The following SMARCA5 variants were observed in gnomAD, a reference collection of about 807,000 sequenced individuals.
SMARCA5 encodes SNF2 related chromatin remodeling ATPase 5.
SMARCA5 carries 18 observed loss-of-function variants against 140.4 expected under a neutral mutation model. The observed-to-expected ratio is 0.13, with a 90% CI of 0.09 to 0.19. The LOEUF is 0.19. SMARCA5 is among the 10% of genes least tolerant of loss of function. The pLI is 1.00. For synonymous variants in SMARCA5, 449 were observed against 419.6 expected, an observed-to-expected ratio of 1.07 and a Z score of -0.86; for missense variants, 606 against 1,276.8, an observed-to-expected ratio of 0.47 and a Z score of 8.01.
At chr4:143,536,795 A>G in intron 11 of SMARCA5, 117 bp downstream of exon 11, 2 of 717,396 alleles carry the variant, frequency 2.8e-6, no homozygotes, top group African/African-American at 1.8e-5. Context: ...CGTGTAGAAC[A>G]TTAAAAAAAC....
intron 14 of SMARCA5, among the ~76,000 whole-genome samples, chr4:143,541,237 G>T (rs1469985909): frequency 2.6e-5 from 4 of 152,162 alleles, no homozygotes; most frequent in African/African-American, 9.7e-5. Flanking sequence ...AAGAAAAGGG[G>T]TGGGAAACTT....
In SMARCA5 at chr4:143,538,950, C is replaced by T. The variant is rs375979492; in HGVS notation, c.1770+12C>T. 5.5e-5 allele frequency: 89 copies of T among 1,610,686 alleles called. No individual in the cohort carries two copies. In the African/African-American group the frequency reaches 9.9e-4, roughly 18 times the overall value. On this transcript the variant is annotated intron_variant, in intron 13 of 23. Transcript: ENST00000283131. ...ATCTTCAGGCTATGGTAAGAGATAA[C>T]GAATAAATATATTCTGTGCTTAGTA...
At chr4:143,541,360 G>C (rs17017854) in intron 14 of SMARCA5, among the ~76,000 whole-genome samples, 33,998 of 152,052 alleles carry the variant, frequency 0.22, 4,213 homozygotes, top group East Asian at 0.6. Context: ...GATTATGTAG[G>C]TATCTTGATT....
rs1422221035 is a variant in SMARCA5, at chr4:143,556,483, CT to C, written c.*3300del. The C allele has an allele frequency of 6.6e-6, 1 of 151,898 alleles. No homozygotes were observed. Among genetic ancestry groups the C allele is most frequent in the African/African-American group, 2.4e-5 (1 of 41,326 alleles). The allele number at this position is 151,898 out of a possible 1,614,324, so 9.4% of individuals were successfully genotyped here. A position where few individuals can be genotyped will look rare whatever the true frequency, so the allele number is the denominator to read the frequency against. ...CCAGTAGTTTTGGAGTAGAACATTGCTAAAAAAATGGGTACTAAGGAGGGTA... is the reference window on the plus strand; with the variant it reads ...CCAGTAGTTTTGGAGTAGAACATTGCAAAAAAATGGGTACTAAGGAGGGTA... On this transcript the variant is annotated 3_prime_UTR_variant, in exon 24 of 24. Coordinates refer to ENST00000283131, the MANE Select transcript of SMARCA5 (RefSeq NM_003601.4).
intron 13 of SMARCA5, among the ~76,000 whole-genome samples, chr4:143,539,885 T>C (rs1737394834): frequency 6.6e-6 from 1 of 152,092 alleles, no homozygotes; most frequent in Non-Finnish European, 1.5e-5. Flanking sequence ...CAGGGGAAAA[T>C]GGACCAATTA....
chr4:143,552,025 T>C (rs904666896), intron 23 of SMARCA5, among the ~76,000 whole-genome samples: 1 of 152,150 alleles, frequency 6.6e-6, no homozygotes, highest in Non-Finnish European at 1.5e-5. Context: ...TTTAACAATA[T>C]TGAATTTGCT....
At chr4:143,520,075 CTT>C (rs1350972219) in intron 2 of SMARCA5, among the ~76,000 whole-genome samples, 2 of 152,078 alleles carry the variant, frequency 1.3e-5, no homozygotes, top group African/African-American at 2.4e-5. Flanking sequence ...ATCATACTCT[CTT>C]GTTTCTGCTT....
intron 11 of SMARCA5, among the ~76,000 whole-genome samples, 156 bp downstream of exon 11, chr4:143,536,834 C>A (rs6855207): frequency 0.44 from 67,105 of 151,938 alleles, 15,138 homozygotes; most frequent in East Asian, 0.74. Context: ...CTAACCCCCA[C>A]TCCTGATTTT....
chr4:143,546,171 A>ATT, intron 19 of SMARCA5, 124 bp downstream of exon 19: 3 of 637,876 alleles, frequency 4.7e-6, no homozygotes, highest in South Asian at 5.9e-5. Context: ...TGGAGACAAT[A>ATT]AAGTATGGGC....
intron 19 of SMARCA5, among the ~76,000 whole-genome samples, chr4:143,546,422 C>T (rs1172214632): frequency 6.6e-6 from 1 of 152,108 alleles, no homozygotes; most frequent in Non-Finnish European, 1.5e-5. Flanking sequence ...TGGCCTTTGA[C>T]TTACCTTTAA....
chr4:143,546,635 T>G lies in SMARCA5; in HGVS notation c.2521-141T>G, dbSNP rs546602513. The G allele has an allele frequency of 7.7e-6, 5 of 649,762 alleles. No individual in the cohort carries two copies. In the South Asian group the frequency reaches 1.1e-4, roughly 14 times the overall value. 40.2% of individuals were successfully genotyped at this position (649,762 alleles called of 1,614,324 possible). ...ATGTGTTGTCAAAAGTGTATATTTA[T>G]GTACACGAAAAGTTACCACTCTAAA... On this transcript the variant is annotated intron_variant, in intron 19 of 23. Coordinates refer to ENST00000283131, the MANE Select transcript of SMARCA5 (RefSeq NM_003601.4).
chr4:143,518,147 T>C (rs1736880162), intron 2 of SMARCA5, among the ~76,000 whole-genome samples: 1 of 152,166 alleles, frequency 6.6e-6, no homozygotes, highest in Non-Finnish European at 1.5e-5. Context: ...TTTTATATTA[T>C]AGATGGGGTC....
chr4:143,529,790 T>C (rs1737148467), intron 8 of SMARCA5, among the ~76,000 whole-genome samples: 1 of 152,186 alleles, frequency 6.6e-6, no homozygotes, highest in Admixed American at 6.5e-5. Flanking sequence ...TAGATTGTGT[T>C]GTAAAAAGAT....
intron 23 of SMARCA5, among the ~76,000 whole-genome samples, chr4:143,551,456 T>C (rs1737638184): frequency 6.6e-6 from 1 of 152,094 alleles, no homozygotes. Flanking sequence ...GCCTGTGGGG[T>C]ATTATTCAAG....
chr4:143,538,306 T>C (rs1737356723), intron 11 of SMARCA5, among the ~76,000 whole-genome samples: 1 of 152,192 alleles, frequency 6.6e-6, no homozygotes, highest in South Asian at 2.1e-4. Flanking sequence ...TAAATGTATA[T>C]GGGGTAACAA....
intron 1 of SMARCA5, 92 bp downstream of exon 1, chr4:143,514,193 T>G (rs1578787049): frequency 3.4e-6 from 4 of 1,188,996 alleles, no homozygotes; most frequent in African/African-American, 3.1e-5. Context: ...CAGAGCCGGG[T>G]TTCTCTCTCT....
intron 7 of SMARCA5, 33 bp downstream of exon 7, chr4:143,528,056 T>A: frequency 6.7e-7 from 1 of 1,491,354 alleles, no homozygotes; most frequent in Non-Finnish European, 8.9e-7. Context: ...AAAGCCTTCA[T>A]GTAAGAATTT....
At position 143,528,696 on chromosome 4, in the gene SMARCA5, T is replaced by C. The variant is rs1329342260; in HGVS notation, c.1071T>C (p.Asp357=). The part of the protein sequence containing the change: ...LWSLLNFLLP[D]VFNSADDFDS... ...CACTTCTTAACTTTCTGTTGCCAGATGTGTTTAATTCAGCAGATGTAAGTA... is the reference window on the plus strand; with the variant it reads ...CACTTCTTAACTTTCTGTTGCCAGACGTGTTTAATTCAGCAGATGTAAGTA... Residue 357 remains aspartate, a synonymous_variant, in exon 8 of 24, where the codon GAT becomes GAC. Coordinates refer to ENST00000283131, the MANE Select transcript of SMARCA5 (RefSeq NM_003601.4). 1 of 1,613,160 alleles carries C rather than the reference T, an allele frequency of 6.2e-7. No homozygotes were observed. The highest frequency in any genetic ancestry group is 1.1e-5 in the South Asian group (1 of 90,926).
At chr4:143,526,205 C>T (rs948675742) in intron 5 of SMARCA5, 76 bp from the exon 6 acceptor site, 2 of 1,150,908 alleles carry the variant, frequency 1.7e-6, no homozygotes, top group South Asian at 2.6e-5. Flanking sequence ...TTGAACATTT[C>T]TATATGTTGG....
Sources: gnomAD v4.1 joint callset for allele counts (sites outside exome capture counted in the v4.1 genomes callset) on GRCh38, gnomAD v4.1.1 for gene constraint, MANE v1.5 for transcripts, NCBI Gene and HGNC (gene_info 2026-07-23, HGNC 2026-07-21) for gene names.